MS4A18: variants seen among roughly 807,000 people sequenced by gnomAD.
MS4A18 encodes membrane-spanning 4-domains subfamily A member 18.
MS4A18 carries 27 observed loss-of-function variants against 13.1 expected under a neutral mutation model. The ratio of observed to expected loss-of-function variants is 2.06; its 90% CI spans 1.52 to 2.84. MS4A18 has a LOEUF of 2.84. Among genes scored for constraint, MS4A18 ranks in the 30% most tolerant of loss-of-function variants. The pLI is 0.00. For missense variants in MS4A18, 307 were observed against 196.4 expected (o/e 1.56, Z -3.37); for synonymous variants, 126 against 76.5 (o/e 1.65, Z -3.38).
exon 3 of MS4A18, chr11:60,737,002 G>A (rs1450823203): frequency 2.9e-6 from 2 of 699,410 alleles, no homozygotes; most frequent in South Asian, 3.0e-5. Context: ...ATCCCTCTCA[G>A]TATGGGCTGC....
chr11:60,741,235 G>C, intron 5 of MS4A18, 92 bp downstream of exon 6: 1 of 697,662 alleles, frequency 1.4e-6, no homozygotes, highest in Non-Finnish European at 2.6e-6. Flanking sequence ...GGAGAAATGA[G>C]GCCTGAGAGA....
At chr11:60,738,032 C>G (rs1431058724) in intron 3 of MS4A18, among the ~76,000 whole-genome samples, 1 of 152,220 alleles carries the variant, frequency 6.6e-6, no homozygotes, top group Non-Finnish European at 1.5e-5. Flanking sequence ...ACTGCTGACT[C>G]GTGGGGGTCT....
intron 2 of MS4A18, 56 bp downstream of exon 3, chr11:60,733,703 A>G (rs2134676374): frequency 2.8e-6 from 2 of 702,796 alleles, no homozygotes; most frequent in Non-Finnish European, 2.6e-6. Context: ...GACAAGAAGG[A>G]AGTGGAGGAA....
chr11:60,743,499 C>T (rs1229524120), intron 5 of MS4A18, 151 bp from the exon 7 acceptor site: 2 of 618,764 alleles, frequency 3.2e-6, no homozygotes, highest in South Asian at 1.9e-5. Flanking sequence ...TACTGTTGCC[C>T]CCTTGGCCAA....
Position 60,737,113 on chromosome 11 carries a change from C to T in MS4A18, c.648+79C>T. The T allele has an allele frequency of 4.3e-6, 3 of 700,214 alleles. No homozygotes were observed. In the Admixed American group the frequency reaches 6.1e-5, roughly 14 times the overall value. 43.4% of individuals were successfully genotyped at this position (700,214 alleles called of 1,614,324 possible). Reference sequence around the variant, plus strand: ...ACCAAACATGAAAAAAGGAGACTCACAGTAGTGGTGTGGCCTGGCCCTGGC... The same window carrying T: ...ACCAAACATGAAAAAAGGAGACTCATAGTAGTGGTGTGGCCTGGCCCTGGC... On this transcript the variant is annotated intron_variant, in intron 3 of 5. Transcript: ENST00000529108.
chr11:60,736,981 A>G (rs1250540422), exon 3 of MS4A18: 1 of 688,510 alleles, frequency 1.5e-6, no homozygotes, highest in Non-Finnish European at 2.6e-6. Flanking sequence ...TGCGTAGTAT[A>G]TTGTATCTGG....
At chr11:60,741,518 A>T (rs1853414567) in intron 5 of MS4A18, among the ~76,000 whole-genome samples, 1 of 152,092 alleles carries the variant, frequency 6.6e-6, no homozygotes, top group South Asian at 2.1e-4. Context: ...TTCCAAGAGT[A>T]GCAAGACACA....
At chr11:60,735,339 T>TC (rs2134677613) in intron 2 of MS4A18, among the ~76,000 whole-genome samples, 1 of 148,946 alleles carries the variant, frequency 6.7e-6, no homozygotes, top group East Asian at 2.0e-4. Flanking sequence ...GTTTTTCTTT[T>TC]TTTTTTTTTT....
At position 60,738,718 on chromosome 11, in the gene MS4A18, T is replaced by TA. The variant is rs879596094; in HGVS notation, c.649-172dup. On this transcript the variant is annotated intron_variant, in intron 3 of 5. Transcript: ENST00000529108. ...GTACCCATGAACTTAAAATAAAAGT[T>TA]AAAAAAAAAAAAGCAATGATTTTTC... Among the ~76,000 whole-genome samples the TA allele has an allele frequency of 1.9e-3, 269 of 140,890 alleles. 2 individuals carry two copies. Among genetic ancestry groups the TA allele is most frequent in the Middle Eastern group, 7.0e-3 (2 of 284 alleles). The allele number at this position is 140,890 out of a possible 152,430, so 92.4% of individuals were successfully genotyped here.
At chr11:60,741,324 G>C (rs1590965721) in intron 5 of MS4A18, among the ~76,000 whole-genome samples, 181 bp downstream of exon 6, 1 of 152,152 alleles carries the variant, frequency 6.6e-6, no homozygotes, top group African/African-American at 2.4e-5. Context: ...TCTTTATTCT[G>C]TGCATCATCA....
chr11:60,736,596 A>G (rs1853342939), intron 2 of MS4A18, among the ~76,000 whole-genome samples: 1 of 152,166 alleles, frequency 6.6e-6, no homozygotes, highest in African/African-American at 2.4e-5. Flanking sequence ...CCAAGATCAC[A>G]GTTGAGGATA....
At chr11:60,729,899 G>T in intron 1 of MS4A18, 113 bp downstream of exon 2, 1 of 606,212 alleles carries the variant, frequency 1.6e-6, no homozygotes, top group Non-Finnish European at 2.9e-6. Context: ...TGGAGTGGGT[G>T]TGGGGGGCAG....
chr11:60,725,569 A>G (rs1853142349), upstream of MS4A18, among the ~76,000 whole-genome samples: 1 of 152,178 alleles, frequency 6.6e-6, no homozygotes. Flanking sequence ...GTTTGTGCCA[A>G]TTGTCAGGTC....
At chr11:60,733,738 A>G in intron 2 of MS4A18, 91 bp downstream of exon 3, 1 of 698,514 alleles carries the variant, frequency 1.4e-6, no homozygotes, top group South Asian at 1.5e-5. Context: ...TCCCATTCCC[A>G]GTAATATGAC....
chr11:60,743,999 T>C (rs968205745), exon 6 of MS4A18: 5 of 700,272 alleles, frequency 7.1e-6, no homozygotes, highest in African/African-American at 3.5e-5. Context: ...AAATAGCTGA[T>C]TTGCACAGAG....
chr11:60,740,365 C>T (rs890579052), intron 4 of MS4A18, among the ~76,000 whole-genome samples: 1 of 152,150 alleles, frequency 6.6e-6, no homozygotes, highest in Non-Finnish European at 1.5e-5. Context: ...TCTCTGGGAC[C>T]CCTTCAATCC....
chr11:60,741,477 G>A (rs930708400), intron 5 of MS4A18, among the ~76,000 whole-genome samples: 31 of 152,108 alleles, frequency 2.0e-4, no homozygotes, highest in Middle Eastern at 3.4e-3. Context: ...CCTCCAGTAC[G>A]CCCACCTGAG....
intron 4 of MS4A18, among the ~76,000 whole-genome samples, chr11:60,739,215 A>G (rs1853383097): frequency 6.6e-6 from 1 of 152,138 alleles, no homozygotes; most frequent in Admixed American, 6.5e-5. Context: ...AGAGAGGTAT[A>G]GCCACTTGAC....
chr11:60,742,475 T>C (rs1853425344), intron 5 of MS4A18, among the ~76,000 whole-genome samples: 1 of 152,218 alleles, frequency 6.6e-6, no homozygotes, highest in Non-Finnish European at 1.5e-5. Context: ...GACTGTGTTC[T>C]AGACACACTC....
Sources: allele counts gnomAD v4.1 joint callset (sites outside exome capture counted in the v4.1 genomes callset), GRCh38; gene constraint gnomAD v4.1.1; transcripts MANE v1.5; gene names NCBI Gene and HGNC (gene_info 2026-07-23, HGNC 2026-07-21).